OLFML2B: variants seen among roughly 807,000 people sequenced by gnomAD.
OLFML2B encodes the protein olfactomedin like 2B, also known as olfactomedin-like protein 2B.
In OLFML2B, 57 loss-of-function variants were observed where a neutral mutation model predicts 74.9. The observed-to-expected ratio is 0.76, with a 90% CI of 0.61 to 0.95. The LOEUF (loss-of-function observed/expected upper bound fraction) is 0.95, where lower values mean the gene tolerates loss of function less well. Among genes scored for constraint, OLFML2B ranks in the 40% least tolerant of loss-of-function variants. The pLI, the probability that OLFML2B is intolerant of heterozygous loss-of-function variation, is 0.00. For missense variants in OLFML2B, 986 were observed against 970.6 expected, an observed-to-expected ratio of 1.02 and a Z score of -0.21; for synonymous variants, 388 against 405.8, an observed-to-expected ratio of 0.96 and a Z score of 0.53.
rs1690227784 is a variant in OLFML2B at position 162,006,302 on chromosome 1, G to A, written c.718C>T (p.Pro240Ser). The A allele has an allele frequency of 6.3e-7, 1 of 1,581,280 alleles. No individual in the cohort carries two copies. The highest frequency in any genetic ancestry group is 8.6e-7 in the Non-Finnish European group (1 of 1,167,488). ...CTTGGAGGCTGGGGCTATACCTCTG[G>A]GTGGGCGTAGGCTGCTGCTGCATCC... Reference protein sequence around the residue: ...QRDAAAAYAHPEYEERFLQEE... With the variant: ...QRDAAAAYAHSEYEERFLQEE... Residue 240 changes from proline to serine, a missense_variant, in exon 4 of 8, where the codon CCA becomes TCA. Pro to Ser is a moderately conservative substitution (Grantham distance 74). Transcript: ENST00000294794.
intron 4 of OLFML2B, among the ~76,000 whole-genome samples, chr1:162,001,882 A>T (rs1054705485): frequency 6.6e-5 from 10 of 152,352 alleles, no homozygotes; most frequent in African/African-American, 2.4e-4. Flanking sequence ...CCAGCATTTA[A>T]TTTTGTCAAA....
chr1:161,998,540 C>T (rs139739292), intron 5 of OLFML2B, among the ~76,000 whole-genome samples, 191 bp from the exon 6 acceptor site: 249 of 152,186 alleles, frequency 1.6e-3, no homozygotes, highest in African/African-American at 5.8e-3. Context: ...ATTGAATTTC[C>T]AGGGGGTTTC....
In OLFML2B at chr1:162,019,985, G is replaced by A. The variant is rs1186047082; in HGVS notation, c.372C>T (p.Ala124=). The A allele has an allele frequency of 6.2e-7, 1 of 1,614,160 alleles. No individual in the cohort carries two copies. Among genetic ancestry groups the A allele is most frequent in the East Asian group, 2.2e-5 (1 of 44,874 alleles). Residue 124 remains alanine (A), a synonymous_variant, in exon 2 of 8, where the codon GCC becomes GCT. Coordinates refer to ENST00000294794, the MANE Select transcript of OLFML2B (RefSeq NM_015441.3). ...TGAAGTCTCCCTCGCAGGGATTGAGGGCCGATGGGGGTGCTACACAGGCAC... is the reference window on the plus strand; with the variant it reads ...TGAAGTCTCCCTCGCAGGGATTGAGAGCCGATGGGGGTGCTACACAGGCAC... The part of the protein sequence containing the change: ...CKCACVAPPS[A]LNPCEGDFRL...
intron 6 of OLFML2B, among the ~76,000 whole-genome samples, chr1:161,985,568 G>T (rs1689570613): frequency 6.6e-6 from 1 of 152,250 alleles, no homozygotes. Context: ...AGTGTGGCCA[G>T]AGGAGAGGCC....
rs748828023 is a variant in OLFML2B at position 162,023,283 on chromosome 1, C to T, written c.148G>A (p.Asp50Asn). The change falls in exon 1 of 8, where the codon GAC becomes AAC. Residue 50 changes from aspartate (D) to asparagine (N), a missense_variant. Physicochemically the swap from Asp to Asn is conservative, Grantham distance 23. Coordinates refer to ENST00000294794, the MANE Select transcript of OLFML2B (RefSeq NM_015441.3). ...AEDETLQNEA[D>N]NQENVLSQLL... ...TGAGATAAAACGTTCTCCTGGTTGT[C>T]CGCCTCGTTTTGCAGAGTCTCGTCC... 6.4e-7 allele frequency: 1 copy of T among 1,564,054 alleles called. No individual in the cohort carries two copies. The highest frequency in any genetic ancestry group is 1.2e-5 in the South Asian group (1 of 85,752).
intron 3 of OLFML2B, among the ~76,000 whole-genome samples, chr1:162,016,529 G>A (rs867673160): frequency 6.6e-6 from 1 of 152,178 alleles, no homozygotes; most frequent in South Asian, 2.1e-4. Flanking sequence ...CAGTAATGCT[G>A]TAAACATTAA....
rs750267748 is a variant in OLFML2B, at chr1:161,984,126, A to G, written c.1802T>C (p.Leu601Pro). 6.2e-7 allele frequency: 1 copy of G among 1,611,070 alleles called. No individual in the cohort carries two copies. The highest frequency in any genetic ancestry group is 8.5e-7 in the Non-Finnish European group (1 of 1,178,246). The change falls in exon 8 of 8, where the codon CTG (leucine) becomes CCG (proline). Residue 601 changes from leucine (L) to proline (P), a missense_variant. Physicochemically the swap from Leu to Pro is moderately conservative, Grantham distance 98 (BLOSUM62 -3). Transcript: ENST00000294794. ...KQRYVAAWAM[L>P]HDVAYEEATP... ...GGCCTCCTCGTAGGCCACGTCATGCAGCATGGCCCAGGCAGCCACGTAGCG... is the reference window on the plus strand; with the variant it reads ...GGCCTCCTCGTAGGCCACGTCATGCGGCATGGCCCAGGCAGCCACGTAGCG...
intron 6 of OLFML2B, among the ~76,000 whole-genome samples, chr1:161,995,707 T>C (rs1689878007): frequency 6.6e-6 from 1 of 152,220 alleles, no homozygotes; most frequent in Admixed American, 6.5e-5. Flanking sequence ...CATTGCCTGA[T>C]GGCTTGCAAG....
intron 1 of OLFML2B, among the ~76,000 whole-genome samples, chr1:162,021,009 G>A (rs1690689277): frequency 6.6e-6 from 1 of 152,202 alleles, no homozygotes; most frequent in Non-Finnish European, 1.5e-5. Context: ...AGCCTACAGT[G>A]CAGGAGGCAT....
intron 6 of OLFML2B, chr1:161,985,237 T>G (rs962426743): frequency 3.1e-5 from 12 of 388,190 alleles, no homozygotes; most frequent in African/African-American, 2.1e-4. Context: ...TGTTCTGACT[T>G]CTCAGTCCTA....
In OLFML2B at chr1:161,983,621, T is replaced by C. The variant is rs1689488267; in HGVS notation, c.*54A>G. Reference sequence around the variant, plus strand: ...CTACACACACGTGCGCGCACACACATACACACAAGGTGCTAGTGACCCCTC... The same window carrying C: ...CTACACACACGTGCGCGCACACACACACACACAAGGTGCTAGTGACCCCTC... On this transcript the variant is annotated 3_prime_UTR_variant, in exon 8 of 8. Coordinates refer to ENST00000294794, the MANE Select transcript of OLFML2B (RefSeq NM_015441.3). 1.3e-6 allele frequency: 2 copies of C among 1,561,106 alleles called. No homozygotes were observed. Among genetic ancestry groups the C allele is most frequent in the Non-Finnish European group, 1.7e-6 (2 of 1,148,004 alleles).
chr1:161,996,177 A>G (rs921108487), intron 6 of OLFML2B, among the ~76,000 whole-genome samples: 1 of 152,184 alleles, frequency 6.6e-6, no homozygotes. Context: ...TTCTGCCATT[A>G]TTCTGAAACT....
intron 6 of OLFML2B, chr1:161,985,212 A>C: frequency 2.3e-6 from 1 of 436,752 alleles, no homozygotes; most frequent in Non-Finnish European, 4.1e-6. Flanking sequence ...CTTTCACACC[A>C]CTATGCTTTG....
chr1:162,004,886 G>C (rs913684748), intron 4 of OLFML2B, among the ~76,000 whole-genome samples: 1 of 152,206 alleles, frequency 6.6e-6, no homozygotes, highest in Non-Finnish European at 1.5e-5. Flanking sequence ...CACTCCCTGG[G>C]CACCAGTGTG....
chr1:161,983,989 C>T lies in OLFML2B; in HGVS notation c.1939G>A (p.Val647Ile), dbSNP rs1414863179. Residue 647 changes from valine (V) to isoleucine (I), a missense_variant, in exon 8 of 8, where the codon GTC (valine) becomes ATC (isoleucine). Physicochemically the swap from Val to Ile is conservative, Grantham distance 29 (BLOSUM62 3). Coordinates refer to ENST00000294794, the MANE Select transcript of OLFML2B (RefSeq NM_015441.3). ...DDEGFSQEVI[V>I]LSKLNAADLS... is the part of the protein sequence containing the mutation. Reference sequence around the variant, plus strand: ...TCCGCGGCATTGAGCTTGCTCAGGACAATGACCTCCTGGCTGAAGCCCTCA... The same window carrying T: ...TCCGCGGCATTGAGCTTGCTCAGGATAATGACCTCCTGGCTGAAGCCCTCA... 2.5e-6 allele frequency: 4 copies of T among 1,614,204 alleles called. No homozygotes were observed. The Admixed American group carries it at 6.7e-5, about 27-fold the overall frequency.
chr1:161,998,400 A>G (rs1558058716), intron 5 of OLFML2B, 51 bp from the exon 6 acceptor site: 1 of 1,517,484 alleles, frequency 6.6e-7, no homozygotes, highest in Non-Finnish European at 8.9e-7. Context: ...AACAACCTAC[A>G]GATGACAAGA....
chr1:162,021,986 A>G (rs1690714725), intron 1 of OLFML2B, among the ~76,000 whole-genome samples: 1 of 152,098 alleles, frequency 6.6e-6, no homozygotes, highest in African/African-American at 2.4e-5. Context: ...GATAAATCCC[A>G]AAGTGCAGCT....
At position 161,984,903 on chromosome 1, in the gene OLFML2B, T is replaced by A. The variant is rs775340686; in HGVS notation, c.1552A>T (p.Met518Leu). Residue 518 changes from methionine (M) to leucine (L), a missense_variant, in exon 7 of 8, where the codon ATG becomes TTG. Physicochemically the swap from Met to Leu is conservative, Grantham distance 15. Coordinates refer to ENST00000294794, the MANE Select transcript of OLFML2B (RefSeq NM_015441.3). ...TCATCCTTGGCCAGGGGGTCCTTCA[T>A]CCAGGCCCCTTCATTCCGCCCATAT... ...NTYGRNEGAWMKDPLAKDERI... is the reference protein window; with the variant it reads ...NTYGRNEGAWLKDPLAKDERI... 2.5e-6 allele frequency: 4 copies of A among 1,611,582 alleles called. No homozygotes were observed. In the South Asian group the frequency reaches 4.4e-5, roughly 18 times the overall value.
intron 3 of OLFML2B, among the ~76,000 whole-genome samples, chr1:162,016,909 G>C (rs58097862): frequency 0.021 from 3,263 of 152,288 alleles, 135 homozygotes; most frequent in African/African-American, 0.075. Context: ...CCTGAATGCT[G>C]AGTAGGGAAC....
Sources: gnomAD v4.1 joint callset for allele counts (sites outside exome capture counted in the v4.1 genomes callset) on GRCh38, gnomAD v4.1.1 for gene constraint, MANE v1.5 for transcripts, NCBI Gene and HGNC (gene_info 2026-07-23, HGNC 2026-07-21) for gene names.